PCDHGA4: variants seen among roughly 807,000 people sequenced by gnomAD.
PCDHGA4 encodes protocadherin gamma subfamily A, 4, also known as protocadherin gamma-A4.
PCDHGA4 carries 38 observed loss-of-function variants against 54.6 expected under a neutral mutation model. That is an observed-to-expected ratio of 0.70 (90% confidence interval 0.54 to 0.91). The LOEUF (loss-of-function observed/expected upper bound fraction) is 0.91, where lower values mean the gene tolerates loss of function less well. Among genes scored for constraint, PCDHGA4 ranks in the 40% least tolerant of loss-of-function variants. The pLI, the probability that PCDHGA4 is intolerant of heterozygous loss-of-function variation, is 0.00. For synonymous variants in PCDHGA4, 511 were observed against 512.9 expected (o/e 1.00, Z 0.05); for missense variants, 1,298 against 1,220.9 (o/e 1.06, Z -0.94).
rs375478611 is a variant in PCDHGA4 at position 141,371,890 on chromosome 5, G to A, written c.2514+14269G>A. ...ATCGTGGCCAGTGACCTGGAGCCGC[G>A]GGAGCTGTCGTCCTACGTGTCCGTG... On this transcript the variant is annotated intron_variant, in intron 1 of 3. Coordinates refer to ENST00000571252, the MANE Select transcript of PCDHGA4 (RefSeq NM_018917.4). 7.4e-5 allele frequency: 119 copies of A among 1,613,312 alleles called. No homozygotes were observed. The highest frequency in any genetic ancestry group is 9.7e-5 in the Non-Finnish European group (114 of 1,179,910).
intron 1 of PCDHGA4, chr5:141,442,378 GGT>G (rs2098320015): frequency 6.6e-6 from 1 of 152,334 alleles, no homozygotes; most frequent in Middle Eastern, 3.4e-3. Context: ...ATTCCTACCA[GGT>G]GTGTGCTTCT....
At chr5:141,478,332 G>A (rs773442842) in intron 1 of PCDHGA4, 1 of 1,613,924 alleles carries the variant, frequency 6.2e-7, no homozygotes, top group Non-Finnish European at 8.5e-7. Context: ...CGAACACCAG[G>A]GCCCTCCTTG....
At chr5:141,358,810 C>T (rs1265503532) in intron 1 of PCDHGA4, among the ~76,000 whole-genome samples, 3 of 152,162 alleles carry the variant, frequency 2.0e-5, no homozygotes, top group African/African-American at 2.4e-5. Flanking sequence ...ATATGATTTA[C>T]GCTGCTTAGT....
At position 141,485,149 on chromosome 5, in the gene PCDHGA4, A is replaced by G; in HGVS notation, c.2515-9658A>G. 6.3e-7 allele frequency: 1 copy of G among 1,578,106 alleles called. No individual in the cohort carries two copies. Among genetic ancestry groups the G allele is most frequent in the South Asian group, 1.1e-5 (1 of 89,070 alleles). ...CGGCTTCATCCGCGTCTCAGGAGCA[A>G]GTAGAGAATTAGCGGGCGGCAGCAA... On this transcript the variant is annotated intron_variant, in intron 1 of 3. Transcript: ENST00000571252. This position sits in a 1 kb window ranked among gnomAD's most constrained non-coding sequence, Gnocchi z 5.7.
At chr5:141,384,974 AC>A (rs1780722542) in intron 1 of PCDHGA4, 1 of 1,613,712 alleles carries the variant, frequency 6.2e-7, no homozygotes, top group Non-Finnish European at 8.5e-7. Context: ...CTCACGTTGT[AC>A]CTGGTGGTGG....
Position 141,490,672 on chromosome 5 carries a change from G to T in PCDHGA4, c.2515-4135G>T. The T allele has an allele frequency of 6.2e-7, 1 of 1,614,114 alleles. No homozygotes were observed. Among genetic ancestry groups the T allele is most frequent in the Non-Finnish European group, 8.5e-7 (1 of 1,179,996 alleles). ...GGGCTCCCTTCTTTGCACTGTGGCT[G>T]CCTCAGATCCAGACACTGGGGATAA... On this transcript the variant is annotated intron_variant, in intron 1 of 3. Coordinates refer to ENST00000571252, the MANE Select transcript of PCDHGA4 (RefSeq NM_018917.4). The surrounding 1 kb of genome is among the most constrained non-coding windows in gnomAD (Gnocchi z 5.4).
intron 1 of PCDHGA4, chr5:141,374,208 G>A (rs777295061): frequency 1.2e-6 from 2 of 1,613,952 alleles, no homozygotes; most frequent in East Asian, 2.2e-5. Context: ...CTGGAGAAAG[G>A]CTCCTTCGTA....
chr5:141,507,365 C>G (rs1279257057), intron 3 of PCDHGA4: 1 of 152,092 alleles, frequency 6.6e-6, no homozygotes, highest in African/African-American at 2.4e-5. Context: ...ACTGGGAGCC[C>G]TGTACTTTTA....
Position 141,418,146 on chromosome 5 carries a change from G to A in PCDHGA4, c.2514+60525G>A, listed in dbSNP as rs755513829. The A allele has an allele frequency of 1.1e-5, 18 of 1,613,970 alleles. No homozygotes were observed. In the South Asian group the frequency reaches 1.6e-4, roughly 15 times the overall value. ...GACCGAATAGACCGTGAGCAAATAT[G>A]CAAAGAGAGAAGAAGATGTGAGTTG... is the stretch of plus-strand genomic sequence containing the variant. On this transcript the variant is annotated intron_variant, in intron 1 of 3. Transcript: ENST00000571252.
At chr5:141,425,173 T>A (rs182492696) in intron 1 of PCDHGA4, among the ~76,000 whole-genome samples, 5 of 152,284 alleles carry the variant, frequency 3.3e-5, no homozygotes, top group Admixed American at 3.3e-4. Context: ...GGATTTATAC[T>A]TGTGGAATTC....
At chr5:141,372,619 C>T in intron 1 of PCDHGA4, 1 of 1,613,968 alleles carries the variant, frequency 6.2e-7, no homozygotes, top group African/African-American at 1.3e-5. Flanking sequence ...GTTCTCCCCA[C>T]CTACAGCGAA....
chr5:141,403,053 C>T (rs754618954), intron 1 of PCDHGA4: 2 of 1,614,076 alleles, frequency 1.2e-6, no homozygotes, highest in Non-Finnish European at 1.7e-6. Context: ...ATTCGCTACT[C>T]AGTGCCTGAA....
intron 3 of PCDHGA4, among the ~76,000 whole-genome samples, chr5:141,509,952 C>T (rs954730777): frequency 7.2e-5 from 11 of 152,186 alleles, no homozygotes; most frequent in African/African-American, 2.2e-4. Flanking sequence ...CAAATGCTAC[C>T]GGGTATGGCC....
chr5:141,413,760 C>G (rs778067298), intron 1 of PCDHGA4: 2 of 1,613,250 alleles, frequency 1.2e-6, no homozygotes, highest in African/African-American at 2.7e-5. Context: ...GCGTCAAGTA[C>G]CCGGAGCTGG....
intron 1 of PCDHGA4, among the ~76,000 whole-genome samples, chr5:141,494,447 G>C (rs1413012155): frequency 6.6e-6 from 1 of 152,118 alleles, no homozygotes. Context: ...GCCACTTTAG[G>C]GGGCTTTGTC....
chr5:141,404,147 G>A lies in PCDHGA4; in HGVS notation c.2514+46526G>A, dbSNP rs750117507. 2 of 1,612,990 alleles carry A rather than the reference G, an allele frequency of 1.2e-6. No homozygotes were observed. The highest frequency in any genetic ancestry group is 1.7e-6 in the Non-Finnish European group (2 of 1,179,340). ...ATCTTTTACATTAGAAAATTCAGAA[G>A]AAGATTATTACAGATTGTTGACGGC... On this transcript the variant is annotated intron_variant, in intron 1 of 3. Coordinates refer to ENST00000571252, the MANE Select transcript of PCDHGA4 (RefSeq NM_018917.4).
At chr5:141,366,593 C>T in intron 1 of PCDHGA4, 1 of 1,614,248 alleles carries the variant, frequency 6.2e-7, no homozygotes, top group Non-Finnish European at 8.5e-7. Flanking sequence ...GACCTATTCC[C>T]ACGAGGTCTC....
At chr5:141,374,100 G>C (rs767728339) in intron 1 of PCDHGA4, 7 of 1,564,992 alleles carry the variant, frequency 4.5e-6, no homozygotes, top group Non-Finnish European at 6.1e-6. Flanking sequence ...CCTCCGCAGA[G>C]GCATCCGCAG....
chr5:141,366,874 A>G, intron 1 of PCDHGA4: 2 of 1,387,376 alleles, frequency 1.4e-6, no homozygotes, highest in East Asian at 4.7e-5. Context: ...TGTATTGGAG[A>G]TTAATTTTTT....
Sources: allele counts gnomAD v4.1 joint callset (sites outside exome capture counted in the v4.1 genomes callset), GRCh38; gene constraint gnomAD v4.1.1; non-coding constraint Gnocchi (gnomAD v3.1); transcripts MANE v1.5; gene names NCBI Gene and HGNC (gene_info 2026-07-23, HGNC 2026-07-21).